The following RGS6 variants were observed in gnomAD, a reference collection of about 807,000 sequenced individuals.
RGS6 encodes regulator of G-protein signaling 6.
RGS6 carries 30 observed loss-of-function variants against 78.5 expected under a neutral mutation model. The ratio of observed to expected loss-of-function variants is 0.38; its 90% confidence interval spans 0.29 to 0.52. RGS6 has a LOEUF of 0.52. Among genes scored for constraint, RGS6 ranks in the 20% least tolerant of loss-of-function variants. The probability of loss-of-function intolerance (pLI) is 0.85; values close to 1 mark genes in which losing one functional copy is unlikely to be tolerated. For missense variants in RGS6, 495 were observed against 609.7 expected (o/e 0.81, Z 1.98); for synonymous variants, 206 against 206.0 (o/e 1.00, Z 0.00).
chr14:72,255,645 A>G (rs910656290), intron 2 of RGS6, among the ~76,000 whole-genome samples: 6 of 152,164 alleles, frequency 3.9e-5, no homozygotes, highest in African/African-American at 1.4e-4. Context: ...CTCTTTAACT[A>G]TTCAGTTGAT....
At chr14:71,968,296 C>T (rs1316580755) in intron 2 of RGS6, among the ~76,000 whole-genome samples, 1 of 152,122 alleles carries the variant, frequency 6.6e-6, no homozygotes, top group Non-Finnish European at 1.5e-5. Flanking sequence ...GAGCTGGGTC[C>T]TAGGAATCTG....
chr14:72,330,547 G>C (rs17180391), intron 2 of RGS6, among the ~76,000 whole-genome samples: 2,140 of 152,300 alleles, frequency 0.014, 22 homozygotes, highest in Non-Finnish European at 0.022. Context: ...TAGGGAGGTT[G>C]AAAAATCAAG....
At chr14:72,364,707 C>G (rs895347815) in intron 3 of RGS6, among the ~76,000 whole-genome samples, 1 of 152,228 alleles carries the variant, frequency 6.6e-6, no homozygotes, top group African/African-American at 2.4e-5. Flanking sequence ...ACATAACGTA[C>G]TGTCCATACC....
the RGS6 span, among the ~76,000 whole-genome samples, chr14:72,612,801 G>A: frequency 6.6e-6 from 1 of 152,244 alleles, no homozygotes; most frequent in Non-Finnish European, 1.5e-5. Context: ...AAGAGAAGGA[G>A]AGAGGTCGCG....
Position 72,008,031 on chromosome 14 carries a change from C to G in RGS6, c.84+43156C>G, listed in dbSNP as rs112474735. Among the ~76,000 whole-genome samples, 469 of 152,314 alleles carry G rather than the reference C, an allele frequency of 3.1e-3. 6 individuals are homozygous for G. The highest frequency in any genetic ancestry group is 0.011 in the African/African-American group (447 of 41,578). On this transcript the variant is annotated intron_variant, in intron 2 of 17. Transcript: ENST00000553525. ...AAATGAAAGGATGCCTGAGAGGGCACACTCAAGATTTCAAAGGGTGAGACT... is the reference window on the plus strand; with the variant it reads ...AAATGAAAGGATGCCTGAGAGGGCAGACTCAAGATTTCAAAGGGTGAGACT...
rs547209751 is a variant in RGS6, at chr14:72,143,475, G to T, written c.84+178600G>T. ...TAATTAAATAACATTAATTTTTGTT[G>T]TAGGATTATACGTAAGAAACTATTG... On this transcript the variant is annotated intron_variant, in intron 2 of 17. Transcript: ENST00000553525. Among the ~76,000 whole-genome samples, 3 of 152,198 alleles carry T rather than the reference G, an allele frequency of 2.0e-5. No individual in the cohort carries two copies. In the South Asian group the frequency reaches 6.2e-4, roughly 32 times the overall value.
At chr14:72,010,137 C>G (rs1268279201) in intron 2 of RGS6, among the ~76,000 whole-genome samples, 7 of 152,196 alleles carry the variant, frequency 4.6e-5, no homozygotes, top group African/African-American at 1.7e-4. Flanking sequence ...TCTCTCCCTT[C>G]TATGTCATGG....
chr14:72,469,951 C>A, intron 7 of RGS6, 56 bp from the exon 8 acceptor site: 1 of 1,252,614 alleles, frequency 8.0e-7, no homozygotes, highest in South Asian at 1.2e-5. Context: ...GCATAGGTGT[C>A]GATGTGCTAA....
At chr14:72,405,647 G>A (rs947006880) in intron 3 of RGS6, among the ~76,000 whole-genome samples, 2 of 152,084 alleles carry the variant, frequency 1.3e-5, no homozygotes, top group African/African-American at 4.8e-5. Context: ...GATAAATTTT[G>A]ACTGCCTGTA....
intron 2 of RGS6, among the ~76,000 whole-genome samples, chr14:72,171,540 A>C (rs2097018617): frequency 6.6e-6 from 1 of 152,110 alleles, no homozygotes; most frequent in East Asian, 1.9e-4. Flanking sequence ...ACTTTCCTTC[A>C]CTTCTCACCT....
intron 2 of RGS6, among the ~76,000 whole-genome samples, chr14:72,055,944 T>G (rs1285759219): frequency 6.6e-6 from 1 of 152,240 alleles, no homozygotes; most frequent in African/African-American, 2.4e-5. Context: ...GGCTAGAAAT[T>G]GTGCTTGACA....
intron 3 of RGS6, among the ~76,000 whole-genome samples, chr14:72,353,112 C>G (rs1186359144): frequency 1.3e-5 from 2 of 152,148 alleles, no homozygotes; most frequent in East Asian, 3.9e-4. Flanking sequence ...GAAAATTGTG[C>G]AGCTACTTTG....
chr14:72,617,609 G>A, the RGS6 span, among the ~76,000 whole-genome samples: 1 of 152,178 alleles, frequency 6.6e-6, no homozygotes, highest in Admixed American at 6.5e-5. Flanking sequence ...CCCATCGCTT[G>A]CCACAGGTCA....
intron 2 of RGS6, among the ~76,000 whole-genome samples, chr14:72,000,513 C>G (rs997593535): frequency 1.3e-5 from 2 of 152,084 alleles, no homozygotes; most frequent in African/African-American, 2.4e-5. Context: ...TCATCCCATA[C>G]AGGTGGATAG....
At chr14:72,394,849 A>G (rs1428371338) in intron 3 of RGS6, among the ~76,000 whole-genome samples, 2 of 152,240 alleles carry the variant, frequency 1.3e-5, no homozygotes, top group Admixed American at 6.5e-5. Context: ...TGGGGAAGTG[A>G]TAAGTGTCCA....
chr14:72,140,485 AG>A (rs1260101033), intron 2 of RGS6, among the ~76,000 whole-genome samples: 1 of 152,204 alleles, frequency 6.6e-6, no homozygotes, highest in Non-Finnish European at 1.5e-5. Context: ...GATAGGCCAT[AG>A]GACTCAGCAA....
intron 2 of RGS6, among the ~76,000 whole-genome samples, chr14:72,214,202 G>T (rs1191528142): frequency 1.4e-5 from 2 of 147,752 alleles, no homozygotes; most frequent in Non-Finnish European, 3.0e-5. Flanking sequence ...TTTCACTGGG[G>T]TCTCACTCTG....
chr14:72,384,029 C>T (rs950992879), intron 3 of RGS6, among the ~76,000 whole-genome samples: 20 of 152,128 alleles, frequency 1.3e-4, no homozygotes, highest in Non-Finnish European at 2.6e-4. Context: ...GACGTTAACT[C>T]AGAGAACCAA....
At position 72,564,929 on chromosome 14, in the gene RGS6, T is replaced by C. The variant is rs918175915; in HGVS notation, c.*2462T>C. On this transcript the variant is annotated 3_prime_UTR_variant, in exon 18 of 18. Transcript: ENST00000553525. The stretch of plus-strand genomic sequence containing the variant: ...CACCACCCCACAGCTAAGGCACTCA[T>C]GTTCCCCAGTAGATCAAGCCAGAAG... 4 of 152,336 alleles carry C rather than the reference T, an allele frequency of 2.6e-5. No homozygotes were observed. Among genetic ancestry groups the C allele is most frequent in the African/African-American group, 7.2e-5 (3 of 41,434 alleles). 9.4% of individuals were successfully genotyped at this position (152,336 alleles called of 1,614,324 possible). A position where few individuals can be genotyped will look rare whatever the true frequency, so the allele number is the denominator to read the frequency against.
Sources: gnomAD v4.1 joint callset for allele counts (sites outside exome capture counted in the v4.1 genomes callset) on GRCh38, gnomAD v4.1.1 for gene constraint, MANE v1.5 for transcripts, NCBI Gene and HGNC (gene_info 2026-07-23, HGNC 2026-07-21) for gene names.